The following AP5Z1 variants were observed in gnomAD, a reference collection of about 807,000 sequenced individuals.
AP5Z1 encodes the protein adaptor related protein complex 5 subunit zeta 1.
A neutral mutation model predicts 83.0 loss-of-function variants in AP5Z1; 106 were observed. The observed-to-expected ratio is 1.28, with a 90% CI of 1.09 to 1.50. The LOEUF (loss-of-function observed/expected upper bound fraction) is 1.50, where lower values mean the gene tolerates loss of function less well. AP5Z1 is among the 40% of genes most tolerant of loss of function. The pLI, the probability that AP5Z1 is intolerant of heterozygous loss-of-function variation, is 0.00. For synonymous variants in AP5Z1, 751 were observed against 514.1 expected, an observed-to-expected ratio of 1.46 and a Z score of -6.23; for missense variants, 1,565 against 1,094.2, an observed-to-expected ratio of 1.43 and a Z score of -6.07.
intron 1 of AP5Z1, among the ~76,000 whole-genome samples, chr7:4,779,953 T>A (rs970528831): frequency 1.3e-5 from 2 of 152,120 alleles, no homozygotes; most frequent in Admixed American, 6.6e-5. Flanking sequence ...GAATTTTTTT[T>A]ATTCTTTTGT....
chr7:4,786,249 G>A lies in AP5Z1; in HGVS notation c.1133-1G>A. On this transcript the variant is annotated splice_acceptor_variant, in intron 9 of 16. Transcript: ENST00000649063. LOFTEE classifies it high-confidence loss of function. The stretch of plus-strand genomic sequence containing the variant: ...TGCCCTGGCGGGCCCTGGTCTTGCA[G>A]GGGAAGCGGCTGCAGTGGACTCGGA... 1.2e-6 allele frequency: 2 copies of A among 1,600,554 alleles called. No individual in the cohort carries two copies. Among genetic ancestry groups the A allele is most frequent in the Non-Finnish European group, 1.7e-6 (2 of 1,171,942 alleles).
At chr7:4,789,787 G>A (rs1402739738) in intron 13 of AP5Z1, 45 bp from the exon 14 acceptor site, 4 of 1,486,254 alleles carry the variant, frequency 2.7e-6, no homozygotes, top group Non-Finnish European at 3.7e-6. Flanking sequence ...CTTAGGGCCT[G>A]CAGTGGGGGT....
intron 1 of AP5Z1, among the ~76,000 whole-genome samples, chr7:4,779,037 T>A (rs918949303): frequency 1.2e-4 from 17 of 145,240 alleles, no homozygotes; most frequent in Non-Finnish European, 2.3e-4. Flanking sequence ...TCTCAAAAAA[T>A]ATATATATAG....
intron 11 of AP5Z1, 127 bp from the exon 12 acceptor site, chr7:4,788,027 T>C: frequency 1.4e-6 from 2 of 1,384,348 alleles, no homozygotes; most frequent in Non-Finnish European, 1.9e-6. Flanking sequence ...GAGCCTCCCA[T>C]GCCAAGCCCT....
chr7:4,785,549 G>A lies in AP5Z1; in HGVS notation c.997G>A (p.Asp333Asn). 6.2e-7 allele frequency: 1 copy of A among 1,612,370 alleles called. No individual in the cohort carries two copies. Among genetic ancestry groups the A allele is most frequent in the Non-Finnish European group, 8.5e-7 (1 of 1,179,540 alleles). Reference protein sequence around the residue: ...ACLVEAVLVLDVLCRQDPSFL... With the variant: ...ACLVEAVLVLNVLCRQDPSFL... Reference sequence around the variant, plus strand: ...CCTGGTGGAGGCCGTGCTGGTGCTGGACGTGCTGTGCCGGCAGGACCCGTC... The same window carrying A: ...CCTGGTGGAGGCCGTGCTGGTGCTGAACGTGCTGTGCCGGCAGGACCCGTC... The change falls in exon 9 of 17, where the codon GAC (aspartate) becomes AAC (asparagine). Residue 333 changes from aspartate (D) to asparagine (N), a missense_variant. Coordinates refer to ENST00000649063, the MANE Select transcript of AP5Z1 (RefSeq NM_014855.3).
intron 12 of AP5Z1, 126 bp from the exon 13 acceptor site, chr7:4,788,714 C>A: frequency 1.2e-6 from 1 of 833,278 alleles, no homozygotes; most frequent in Non-Finnish European, 1.8e-6. Flanking sequence ...CAGGAGGTCC[C>A]GAGAGGCGAT....
At chr7:4,782,173 C>T (rs958617843) in intron 3 of AP5Z1, among the ~76,000 whole-genome samples, 14 of 152,208 alleles carry the variant, frequency 9.2e-5, no homozygotes, top group Non-Finnish European at 1.3e-4. Flanking sequence ...CCATCTCAGC[C>T]TCCTGAGTAG....
chr7:4,784,366 A>C lies in AP5Z1; in HGVS notation c.785A>C (p.Asp262Ala). 6.3e-7 allele frequency: 1 copy of C among 1,593,148 alleles called. No homozygotes were observed. Among genetic ancestry groups the C allele is most frequent in the Non-Finnish European group, 8.5e-7 (1 of 1,172,204 alleles). ...HSGPEGPGTLDTDDRSEQEGS... is the reference protein window; with the variant it reads ...HSGPEGPGTLATDDRSEQEGS... ...GGCCCCGAGGGCCCGGGCACCCTGGACACAGGTGTGCGGGGTGGGGGGATG... is the reference window on the plus strand; with the variant it reads ...GGCCCCGAGGGCCCGGGCACCCTGGCCACAGGTGTGCGGGGTGGGGGGATG... Residue 262 changes from aspartate (D) to alanine (A), a missense_variant, in exon 6 of 17, where the codon GAC (aspartate) becomes GCC (alanine). Transcript: ENST00000649063.
intron 14 of AP5Z1, 100 bp from the exon 15 acceptor site, chr7:4,790,359 A>G (rs1276657082): frequency 3.8e-6 from 6 of 1,579,990 alleles, no homozygotes; most frequent in Non-Finnish European, 4.3e-6. Flanking sequence ...GCATACACCT[A>G]CCACTCAGAC....
rs188269102 is a variant in AP5Z1 at position 4,789,733 on chromosome 7, C to T, written c.1708-99C>T. On this transcript the variant is annotated intron_variant, in intron 13 of 16. Transcript: ENST00000649063. ...AAGGCAGTGGACGAGGAGTCTCCAG[C>T]CCCTCACCTGCCCCCCAGCCCTCAC... The T allele has an allele frequency of 1.2e-3, 981 of 846,990 alleles. 4 individuals carry two copies. The African/African-American group carries it at 0.014, about 12-fold the overall frequency. The allele number at this position is 846,990 out of a possible 1,614,324, so 52.5% of individuals were successfully genotyped here.
Position 4,794,227 on chromosome 7 carries a change from GCACC to G in AP5Z1, c.*2844_*2847del, listed in dbSNP as rs1040082733. 6.6e-6 allele frequency: 1 copy of G among 152,194 alleles called. No individual in the cohort carries two copies. The highest frequency in any genetic ancestry group is 1.5e-5 in the Non-Finnish European group (1 of 68,076). The allele number at this position is 152,194 out of a possible 1,614,324, so 9.4% of individuals were successfully genotyped here. On this transcript the variant is annotated 3_prime_UTR_variant, in exon 17 of 17. Transcript: ENST00000649063. ...TCAGGGATTGTAAACGCACCAATCA[GCACC>G]CTGTCAAAACAGACCACTCGGCTCT... is the stretch of plus-strand genomic sequence containing the variant.
At chr7:4,784,868 A>C in intron 6 of AP5Z1, 40 bp from the exon 7 acceptor site, 1 of 1,589,044 alleles carries the variant, frequency 6.3e-7, no homozygotes, top group Non-Finnish European at 8.6e-7. Context: ...CCAGCCCGGG[A>C]GCCACACGTC....
At chr7:4,780,794 C>T (rs1339570370) in intron 1 of AP5Z1, among the ~76,000 whole-genome samples, 1 of 152,068 alleles carries the variant, frequency 6.6e-6, no homozygotes, top group Non-Finnish European at 1.5e-5. Flanking sequence ...TTCTTGTTTC[C>T]ATAAGCAAAA....
In AP5Z1 at chr7:4,788,262, G is replaced by T. The variant is rs182411153; in HGVS notation, c.1563G>T (p.Leu521=). The T allele has an allele frequency of 4.4e-6, 7 of 1,590,564 alleles. No individual in the cohort carries two copies. In the South Asian group the frequency reaches 4.6e-5, roughly 10 times the overall value. ...AGTTCCAGGGTCTTTTCCAATACCT[G>T]CTGCGCCCCAAGGCCAGTGGCGCCA... ...DPQFQGLFQY[L]LRPKASGATE... The change falls in exon 12 of 17, where the codon CTG becomes CTT. Residue 521 remains leucine, a synonymous_variant. Transcript: ENST00000649063.
At chr7:4,776,396 CAA>C (rs1198007768) in intron 1 of AP5Z1, among the ~76,000 whole-genome samples, 2 of 151,932 alleles carry the variant, frequency 1.3e-5, no homozygotes, top group Non-Finnish European at 2.9e-5. Context: ...ACCAAACAGG[CAA>C]AGACTTCATA....
intron 4 of AP5Z1, 88 bp downstream of exon 4, chr7:4,783,548 G>A (rs1781444527): frequency 6.4e-7 from 1 of 1,559,446 alleles, no homozygotes; most frequent in South Asian, 1.2e-5. Flanking sequence ...GAGTGTGGGG[G>A]GCAGGTGGGG....
At position 4,785,046 on chromosome 7, in the gene AP5Z1, G is replaced by A. The variant is rs745977162; in HGVS notation, c.929G>A (p.Arg310Gln). ...CAGCGCCTCATTGAGCAAAGTAACC[G>A]ACGTGAGTCCCCCACCCAGGGCACT... is the stretch of plus-strand genomic sequence containing the variant. The part of the protein sequence containing the change: ...YCQRLIEQSN[R>Q]RALRKGDSDL... Residue 310 changes from arginine (R) to glutamine (Q), a missense_variant and splice_region_variant, in exon 7 of 17, where the codon CGA (arginine) becomes CAA (glutamine). Coordinates refer to ENST00000649063, the MANE Select transcript of AP5Z1 (RefSeq NM_014855.3). 54 of 1,596,224 alleles carry A rather than the reference G, an allele frequency of 3.4e-5. No individual in the cohort carries two copies. Among genetic ancestry groups the A allele is most frequent in the Non-Finnish European group, 4.5e-5 (52 of 1,168,448 alleles).
chr7:4,780,907 G>C (rs1781363296), intron 1 of AP5Z1, among the ~76,000 whole-genome samples: 1 of 152,162 alleles, frequency 6.6e-6, no homozygotes, highest in African/African-American at 2.4e-5. Flanking sequence ...TTCTGCCCTG[G>C]GAACAAGAAA....
chr7:4,786,564 T>G, intron 10 of AP5Z1, 136 bp downstream of exon 10: 4 of 1,013,722 alleles, frequency 3.9e-6, no homozygotes, highest in Non-Finnish European at 5.8e-6. Flanking sequence ...GAATGCGGTG[T>G]GCAGGGTGAG....
Sources: allele counts gnomAD v4.1 joint callset (sites outside exome capture counted in the v4.1 genomes callset), GRCh38; gene constraint gnomAD v4.1.1; transcripts MANE v1.5; gene names NCBI Gene and HGNC (gene_info 2026-07-23, HGNC 2026-07-21).